EIF4B: variants seen among roughly 807,000 people sequenced by gnomAD.
EIF4B encodes eukaryotic translation initiation factor 4B.
Under a neutral mutation model 79.3 loss-of-function variants are expected in EIF4B, and 8 were observed. The observed-to-expected ratio is 0.10, with a 90% CI of 0.06 to 0.18. The LOEUF (loss-of-function observed/expected upper bound fraction) is 0.18, where lower values mean the gene tolerates loss of function less well. EIF4B is among the 10% of genes least tolerant of loss of function. EIF4B has a pLI of 1.00. For missense variants in EIF4B, 515 were observed against 792.4 expected (o/e 0.65, Z 4.20); for synonymous variants, 238 against 274.7 (o/e 0.87, Z 1.32).
intron 8 of EIF4B, among the ~76,000 whole-genome samples, chr12:53,030,410 A>ATTTTTTTTTTT (rs1555153412): frequency 9.1e-4 from 31 of 34,172 alleles, no homozygotes; most frequent in Non-Finnish European, 1.5e-3. Context: ...AAAAAATTAT[A>ATTTTTTTTTTT]TTCTTTTTTT....
At chr12:53,015,663 A>G (rs1240231374) in intron 1 of EIF4B, among the ~76,000 whole-genome samples, 1 of 143,036 alleles carries the variant, frequency 7.0e-6, no homozygotes, top group Non-Finnish European at 1.5e-5. Flanking sequence ...CCTGGACAAC[A>G]GAGCAAGACC....
intron 8 of EIF4B, among the ~76,000 whole-genome samples, chr12:53,031,265 GT>G (rs1332253420): frequency 2.0e-5 from 3 of 152,150 alleles, no homozygotes; most frequent in Non-Finnish European, 4.4e-5. Context: ...GGCCTTCACT[GT>G]TTGCCCAGCC....
Position 53,028,061 on chromosome 12 carries a change from G to T in EIF4B, c.852G>T (p.Gly284=). Residue 284 remains glycine, a synonymous_variant, in exon 8 of 15, where the codon GGG becomes GGT. Coordinates refer to ENST00000262056, the MANE Select transcript of EIF4B (RefSeq NM_001417.7). ...GTGGCAGAAGAGCATTTGGCAGTGG[G>T]TATCGCAGGGATGATGACTACAGAG... ...IGSGRRAFGS[G]YRRDDDYRGG... 1 of 1,613,696 alleles carries T rather than the reference G, an allele frequency of 6.2e-7. No individual in the cohort carries two copies. Among genetic ancestry groups the T allele is most frequent in the Non-Finnish European group, 8.5e-7 (1 of 1,179,812 alleles).
chr12:53,018,980 A>G lies in EIF4B; in HGVS notation c.334A>G (p.Ile112Val), dbSNP rs1348132293. Residue 112 changes from isoleucine to valine, a missense_variant, in exon 3 of 15, where the codon ATT becomes GTT. Physicochemically the swap from Ile to Val is conservative, Grantham distance 29. Around this residue, in one of 6 missense-constraint regions of EIF4B, gnomAD observed 105 missense variants for 177.2 expected, o/e 0.59. Coordinates refer to ENST00000262056, the MANE Select transcript of EIF4B (RefSeq NM_001417.7). The part of the protein sequence containing the change: ...NLPYDVTEES[I>V]KEFFRGLNIS... ...ACCCTATGATGTTACAGAAGAGTCA[A>G]TTAAGGAATTCTTTCGAGGATTAAA... The G allele has an allele frequency of 2.5e-6, 4 of 1,613,820 alleles. No individual in the cohort carries two copies. Among genetic ancestry groups the G allele is most frequent in the Admixed American group, 3.3e-5 (2 of 59,982 alleles).
At chr12:53,032,641 A>G (rs1943465609) in intron 8 of EIF4B, among the ~76,000 whole-genome samples, 1 of 151,756 alleles carries the variant, frequency 6.6e-6, no homozygotes, top group African/African-American at 2.4e-5. Flanking sequence ...TGGATGTGGT[A>G]GAAGAGTAAT....
chr12:53,031,932 G>C (rs1365532175), intron 8 of EIF4B, among the ~76,000 whole-genome samples: 1 of 152,222 alleles, frequency 6.6e-6, no homozygotes, highest in African/African-American at 2.4e-5. Context: ...TATATTCTCT[G>C]TATCTTTTGT....
intron 6 of EIF4B, chr12:53,025,458 T>G: frequency 3.2e-6 from 1 of 313,594 alleles, no homozygotes; most frequent in Non-Finnish European, 6.2e-6. Context: ...CCCCGAGGGG[T>G]GTTGGGGGGT....
intron 1 of EIF4B, among the ~76,000 whole-genome samples, chr12:53,014,394 C>G (rs939817368): frequency 7.3e-6 from 1 of 136,796 alleles, no homozygotes; most frequent in Non-Finnish European, 1.5e-5. Context: ...GCCTGTATGA[C>G]AAAGCGAGAC....
intron 6 of EIF4B, among the ~76,000 whole-genome samples, chr12:53,026,328 CCA>C (rs1943333638): frequency 6.6e-6 from 1 of 152,066 alleles, no homozygotes. Flanking sequence ...ATAACGCTAC[CCA>C]CAGTTTGCTA....
chr12:53,039,519 G>C, intron 13 of EIF4B, 111 bp from the exon 14 acceptor site: 1 of 1,323,246 alleles, frequency 7.6e-7, no homozygotes. Flanking sequence ...CAGACAACAA[G>C]GACTGTTGAC....
In EIF4B at chr12:53,041,123, CTT is replaced by C. The variant is rs112910460; in HGVS notation, c.*901_*902del. On this transcript the variant is annotated 3_prime_UTR_variant, in exon 15 of 15. Coordinates refer to ENST00000262056, the MANE Select transcript of EIF4B (RefSeq NM_001417.7). ...AACCTTGAAACTAAAAATTTAGACT[CTT>C]ATCATCATCTTAAGTTCTTCATGCT... 1.3e-5 allele frequency: 2 copies of C among 152,154 alleles called. No individual in the cohort carries two copies. Among genetic ancestry groups the C allele is most frequent in the East Asian group, 3.8e-4 (2 of 5,196 alleles). 9.4% of individuals were successfully genotyped at this position (152,154 alleles called of 1,614,324 possible).
chr12:53,041,290 G>C lies in EIF4B; in HGVS notation c.*1067G>C, dbSNP rs1943632802. On this transcript the variant is annotated 3_prime_UTR_variant, in exon 15 of 15. Transcript: ENST00000262056. Reference sequence around the variant, plus strand: ...TTCTTGATGTCTTTTGGTTCTCCTTGCCTGCTCCTGATGCTTGGACCCCTT... The same window carrying C: ...TTCTTGATGTCTTTTGGTTCTCCTTCCCTGCTCCTGATGCTTGGACCCCTT... The C allele has an allele frequency of 6.6e-6, 1 of 152,124 alleles. No individual in the cohort carries two copies. The highest frequency in any genetic ancestry group is 1.5e-5 in the Non-Finnish European group (1 of 68,040). The allele number at this position is 152,124 out of a possible 1,614,324, so 9.4% of individuals were successfully genotyped here.
At chr12:53,017,964 T>C (rs966606765) in intron 2 of EIF4B, among the ~76,000 whole-genome samples, 4 of 152,142 alleles carry the variant, frequency 2.6e-5, no homozygotes, top group Admixed American at 2.0e-4. Flanking sequence ...TGGACAGTGC[T>C]GTAGGAAAAG....
chr12:53,006,518 G>T, intron 1 of EIF4B, 22 bp downstream of exon 1: 1 of 1,613,462 alleles, frequency 6.2e-7, no homozygotes. Flanking sequence ...GCCGAGCGCG[G>T]CCAAGGACTG....
At chr12:53,039,465 C>T (rs772425692) in intron 13 of EIF4B, 122 bp downstream of exon 13, 16 of 1,216,416 alleles carry the variant, frequency 1.3e-5, no homozygotes, top group East Asian at 2.5e-5. Flanking sequence ...AGTCAGCCAA[C>T]GTAGACAGTT....
intron 1 of EIF4B, among the ~76,000 whole-genome samples, chr12:53,008,248 G>A (rs904384036): frequency 2.0e-5 from 3 of 152,206 alleles, no homozygotes; most frequent in Non-Finnish European, 2.9e-5. Flanking sequence ...GTTTTACCGA[G>A]TTGAGGGAAA....
At chr12:53,032,660 GGTTTTTTT>G (rs1170194436) in intron 8 of EIF4B, among the ~76,000 whole-genome samples, 1 of 147,252 alleles carries the variant, frequency 6.8e-6, no homozygotes, top group Non-Finnish European at 1.5e-5. Flanking sequence ...ATTGAACTTG[GGTTTTTTT>G]GTTTTTTTTT....
chr12:53,030,933 A>T (rs1232568532), intron 8 of EIF4B, among the ~76,000 whole-genome samples: 3 of 151,618 alleles, frequency 2.0e-5, no homozygotes, highest in Non-Finnish European at 2.9e-5. Context: ...TTCCTCTCTC[A>T]CACTGTCCCT....
At chr12:53,030,410 A>ATTTTTTTTTTTTT (rs1555153412) in intron 8 of EIF4B, among the ~76,000 whole-genome samples, 16 of 34,180 alleles carry the variant, frequency 4.7e-4, no homozygotes, top group Non-Finnish European at 1.2e-3. Context: ...AAAAAATTAT[A>ATTTTTTTTTTTTT]TTCTTTTTTT....
Sources: gnomAD v4.1 joint callset for allele counts (sites outside exome capture counted in the v4.1 genomes callset) on GRCh38, gnomAD v4.1.1 for gene constraint, gnomAD v4.1.1 regional missense constraint, MANE v1.5 for transcripts, NCBI Gene and HGNC (gene_info 2026-07-23, HGNC 2026-07-21) for gene names.